HOXC5: variants seen among roughly 807,000 people sequenced by gnomAD.
HOXC5 encodes the protein homeobox C5.
Under a neutral mutation model 20.1 loss-of-function variants are expected in HOXC5, and 19 were observed. That is an observed-to-expected ratio of 0.94 (90% CI 0.66 to 1.38). HOXC5 has a LOEUF of 1.38. Ranked by LOEUF, HOXC5 falls within the 40% of genes most tolerant of loss-of-function variation. HOXC5 has a pLI of 0.00. For synonymous variants in HOXC5, 124 were observed against 117.0 expected, an observed-to-expected ratio of 1.06 and a Z score of -0.39; for missense variants, 330 against 300.1, an observed-to-expected ratio of 1.10 and a Z score of -0.74.
chr12:54,028,246 C>CATAT (rs147627891), upstream of HOXC5: 1,610 of 149,350 alleles, frequency 0.011, 8 homozygotes, highest in South Asian at 0.017. Context: ...AGTTCCCTTA[C>CATAT]ATATATATAT....
Position 54,034,702 on chromosome 12 carries a change from C to CCTCAGCTCGG in HOXC5, c.*221_*230dup, listed in dbSNP as rs893600828. The CCTCAGCTCGG allele has an allele frequency of 1.8e-6, 1 of 562,884 alleles. No individual in the cohort carries two copies. The highest frequency in any genetic ancestry group is 3.2e-6 in the Non-Finnish European group (1 of 315,066). The allele number at this position is 562,884 out of a possible 1,614,324, so 34.9% of individuals were successfully genotyped here. A position where few individuals can be genotyped will look rare whatever the true frequency, so the allele number is the denominator to read the frequency against. ...GGGCTGTCGGCGCTGCCCCATCTCC[C>CCTCAGCTCGG]CTCAGCTCGGCTCAGCTCGGTACCC... On this transcript the variant is annotated 3_prime_UTR_variant, in exon 2 of 2. Transcript: ENST00000312492.
upstream of HOXC5, chr12:54,029,588 A>C: frequency 2.6e-6 from 4 of 1,525,908 alleles, 1 homozygote; most frequent in East Asian, 9.1e-5. Context: ...GGACTTTGCT[A>C]GGCGAAACAG....
the HOXC5 span, among the ~76,000 whole-genome samples, chr12:54,017,763 C>G: frequency 6.6e-6 from 1 of 152,158 alleles, no homozygotes; most frequent in Admixed American, 6.5e-5. Flanking sequence ...GGTCTCTTGG[C>G]TAATGGAACT....
upstream of HOXC5, chr12:54,032,941 C>T (rs1941042493): frequency 3.5e-6 from 2 of 566,650 alleles, no homozygotes; most frequent in South Asian, 5.2e-5. Context: ...TATGAGTGGC[C>T]GCTCGAGTCA....
At chr12:54,031,793 T>C (rs1015744791), upstream of HOXC5, among the ~76,000 whole-genome samples, 3 of 152,148 alleles carry the variant, frequency 2.0e-5, no homozygotes, top group African/African-American at 7.2e-5. Flanking sequence ...GACTTGGGGC[T>C]ACGGGGGAAG....
chr12:54,024,215 C>T, the HOXC5 span, among the ~76,000 whole-genome samples: 1 of 152,046 alleles, frequency 6.6e-6, no homozygotes, highest in Non-Finnish European at 1.5e-5. Context: ...CCGTTCTTCT[C>T]TTGCTCAGAA....
chr12:54,031,090 G>A (rs1371066553), upstream of HOXC5, among the ~76,000 whole-genome samples: 3 of 152,242 alleles, frequency 2.0e-5, no homozygotes, highest in Non-Finnish European at 4.4e-5. Context: ...GGGGGAGCTG[G>A]GATCAGTCGG....
the HOXC5 span, among the ~76,000 whole-genome samples, chr12:54,017,754 G>T: frequency 6.6e-6 from 1 of 152,136 alleles, no homozygotes. Flanking sequence ...TAGATCTTCG[G>T]TCTCTTGGCT....
upstream of HOXC5, chr12:54,028,665 G>A (rs201730816): frequency 2.8e-5 from 45 of 1,613,894 alleles, no homozygotes; most frequent in Non-Finnish European, 3.6e-5. Flanking sequence ...CCCAGAACCG[G>A]ATCTACTCGA....
At chr12:54,022,455 A>G in the HOXC5 span, 3 of 152,190 alleles carry the variant, frequency 2.0e-5, no homozygotes, top group Non-Finnish European at 4.4e-5. Context: ...TAAATTTAAA[A>G]GAGTATCATT....
chr12:54,026,935 T>G, the HOXC5 span, among the ~76,000 whole-genome samples: 1 of 143,244 alleles, frequency 7.0e-6, no homozygotes, highest in Non-Finnish European at 1.5e-5. Flanking sequence ...ATAGCCAGCT[T>G]TCCCCCCCCC....
upstream of HOXC5, chr12:54,029,968 A>ACT: frequency 6.5e-7 from 1 of 1,540,404 alleles, no homozygotes; most frequent in South Asian, 1.2e-5. Flanking sequence ...AGTGACCAGG[A>ACT]CTGTCCCTGC....
upstream of HOXC5, chr12:54,032,795 CT>C (rs113659413): frequency 0.022 from 3,458 of 156,834 alleles, 150 homozygotes; most frequent in East Asian, 0.16. Flanking sequence ...TTCCAAGAAC[CT>C]TTTTTTTTTT....
At chr12:54,028,565 CCGG>C, upstream of HOXC5, 1 of 1,614,168 alleles carries the variant, frequency 6.2e-7, no homozygotes, top group Non-Finnish European at 8.5e-7. Context: ...TGCCACCTCG[CCGG>C]GGGCCAGGAC....
At chr12:54,030,970 C>G (rs1392907186), upstream of HOXC5, 1 of 152,360 alleles carries the variant, frequency 6.6e-6, no homozygotes, top group Non-Finnish European at 1.5e-5. Context: ...CGGCCCCGGC[C>G]TTCTGTTCGT....
At chr12:54,025,815 A>G in the HOXC5 span, among the ~76,000 whole-genome samples, 1 of 152,048 alleles carries the variant, frequency 6.6e-6, no homozygotes, top group African/African-American at 2.4e-5. Flanking sequence ...GAATCTCCCC[A>G]ACTTTGGGGC....
chr12:54,019,207 C>T, the HOXC5 span, among the ~76,000 whole-genome samples: 2 of 111,508 alleles, frequency 1.8e-5, no homozygotes, highest in Admixed American at 1.4e-4. Context: ...ACTTGTGTGT[C>T]GGCAGAGGCG....
At chr12:54,029,872 C>T (rs1378942180), upstream of HOXC5, 21 of 1,612,848 alleles carry the variant, frequency 1.3e-5, no homozygotes, top group Non-Finnish European at 1.8e-5. Flanking sequence ...CATCCACTCT[C>T]TCGGGGGGCG....
At chr12:54,026,975 G>GT in the HOXC5 span, among the ~76,000 whole-genome samples, 1 of 139,188 alleles carries the variant, frequency 7.2e-6, no homozygotes, top group Admixed American at 7.2e-5. Context: ...GGGGGGGGGG[G>GT]GATATGAGCT....
Sources: gnomAD v4.1 joint callset for allele counts (sites outside exome capture counted in the v4.1 genomes callset) on GRCh38, gnomAD v4.1.1 for gene constraint, MANE v1.5 for transcripts, NCBI Gene and HGNC (gene_info 2026-07-23, HGNC 2026-07-21) for gene names.